Variants in GRIA3 observed in about 807,000 individuals in gnomAD.
GRIA3 encodes the protein glutamate ionotropic receptor AMPA type subunit 3.
GRIA3 carries 3 observed loss-of-function variants against 63.0 expected under a neutral mutation model. The observed-to-expected ratio is 0.05, with a 90% CI of 0.02 to 0.12. The LOEUF is 0.12. Among genes scored for constraint, GRIA3 ranks in the 10% least tolerant of loss-of-function variants. The probability of loss-of-function intolerance (pLI) is 1.00; values close to 1 mark genes in which losing one functional copy is unlikely to be tolerated. For missense variants in GRIA3, 347 were observed against 700.9 expected (o/e 0.50, Z 5.70); for synonymous variants, 274 against 257.9 (o/e 1.06, Z -0.60).
chrX:123,442,074 G>A (rs759864369), intron 12 of GRIA3, among the ~76,000 whole-genome samples: 5 of 112,133 alleles, frequency 4.5e-5, no homozygotes, highest in East Asian at 2.8e-4. Flanking sequence ...ATACGGATAC[G>A]TGGAAAGTTG....
intron 2 of GRIA3, among the ~76,000 whole-genome samples, chrX:123,215,510 A>G (rs1928137141): frequency 9.0e-6 from 1 of 111,337 alleles, no homozygotes; most frequent in African/African-American, 3.3e-5. Flanking sequence ...TAGCGTGGAG[A>G]AGACAGGAAA....
intron 12 of GRIA3, among the ~76,000 whole-genome samples, chrX:123,430,123 C>T (rs1209714185): frequency 8.9e-6 from 1 of 112,110 alleles, no homozygotes; most frequent in Non-Finnish European, 1.9e-5. Context: ...CATCATATTA[C>T]CAGAGCTGAT....
chrX:123,296,411 C>G (rs1379350602), intron 3 of GRIA3, among the ~76,000 whole-genome samples: 2 of 110,786 alleles, frequency 1.8e-5, no homozygotes, highest in African/African-American at 6.5e-5. Flanking sequence ...CTTCTTCCCC[C>G]TCCTGTTACC....
At chrX:123,477,073 C>G (rs2045890404) in intron 13 of GRIA3, among the ~76,000 whole-genome samples, 2 of 111,768 alleles carry the variant, frequency 1.8e-5, no homozygotes, top group Non-Finnish European at 3.8e-5. Context: ...TGCTAAGTCA[C>G]CGATGTACTG....
At chrX:123,483,189 T>C in intron 15 of GRIA3, 143 bp downstream of exon 15, 2 of 513,784 alleles carry the variant, frequency 3.9e-6, no homozygotes, top group Non-Finnish European at 6.4e-6. Context: ...AAAACAATGG[T>C]TGTGCTTTCT....
At chrX:123,444,813 C>T (rs1001860942) in intron 12 of GRIA3, among the ~76,000 whole-genome samples, 14 of 111,311 alleles carry the variant, frequency 1.3e-4, no homozygotes, top group African/African-American at 4.6e-4. Flanking sequence ...CTCTTCTTCC[C>T]TCCCTTTTGT....
intron 12 of GRIA3, among the ~76,000 whole-genome samples, chrX:123,440,169 A>G: frequency 1.8e-5 from 2 of 112,317 alleles, no homozygotes. Context: ...GTGTATCTGT[A>G]CCACATTTTC....
At chrX:123,462,874 T>C (rs1306590034) in intron 12 of GRIA3, among the ~76,000 whole-genome samples, 1 of 111,869 alleles carries the variant, frequency 8.9e-6, no homozygotes. Flanking sequence ...CACCTTAGAA[T>C]TTTTTTCTAG....
rs941509564 is a variant in GRIA3 at position 123,199,710 on chromosome X, A to C, written c.268+13720A>C. On this transcript the variant is annotated intron_variant, in intron 2 of 15. Transcript: ENST00000620443. ...ACTGTCAGTTTTAAGTAGGTGGCAG[A>C]GAGGAAGAATAAATCCACAGCAAGT... Among the ~76,000 whole-genome samples, 4 of 112,047 alleles carry C rather than the reference A, an allele frequency of 3.6e-5. No homozygotes were observed. In the Admixed American group the frequency reaches 3.8e-4, roughly 11 times the overall value.
intron 3 of GRIA3, among the ~76,000 whole-genome samples, chrX:123,286,095 G>A (rs2044617845): frequency 8.9e-6 from 1 of 111,962 alleles, no homozygotes; most frequent in Non-Finnish European, 1.9e-5. Context: ...AATCAAATTA[G>A]AACTCAGGAT....
At chrX:123,352,967 C>A (rs779402659) in intron 4 of GRIA3, among the ~76,000 whole-genome samples, 36 of 108,947 alleles carry the variant, frequency 3.3e-4, no homozygotes, top group African/African-American at 1.1e-3. Flanking sequence ...AAATGTGGCT[C>A]ATAATTTAAA....
rs550061588 is a variant in GRIA3 at position 123,341,413 on chromosome X, T to G, written c.697-13497T>G. ...CTTGGAAAGATACGGACAATTAGAA[T>G]GTATCAGAACACTGAAAGGAAACCC... On this transcript the variant is annotated intron_variant, in intron 4 of 15. Transcript: ENST00000620443. Among the ~76,000 whole-genome samples the G allele has an allele frequency of 8.1e-5, 9 of 111,344 alleles. No individual in the cohort carries two copies. In the South Asian group the frequency reaches 1.9e-3, roughly 24 times the overall value.
intron 3 of GRIA3, among the ~76,000 whole-genome samples, chrX:123,303,299 C>G (rs2044734986): frequency 9.0e-6 from 1 of 110,677 alleles, no homozygotes; most frequent in Non-Finnish European, 1.9e-5. Flanking sequence ...TCCTTCTAGT[C>G]AGGAACCATA....
chrX:123,441,314 T>C (rs542252696), intron 12 of GRIA3, among the ~76,000 whole-genome samples: 1 of 111,596 alleles, frequency 9.0e-6, no homozygotes, highest in East Asian at 2.8e-4. Context: ...TATATAAATT[T>C]GGGGGAGAAG....
intron 12 of GRIA3, among the ~76,000 whole-genome samples, chrX:123,431,201 C>T (rs1405025352): frequency 8.9e-6 from 1 of 112,392 alleles, no homozygotes; most frequent in African/African-American, 3.2e-5. Context: ...TAACATAAGA[C>T]AGCCTAGGGC....
intron 2 of GRIA3, among the ~76,000 whole-genome samples, chrX:123,211,005 G>C (rs1458996418): frequency 9.0e-6 from 1 of 111,546 alleles, no homozygotes; most frequent in Non-Finnish European, 1.9e-5. Flanking sequence ...TCAGCCAAGT[G>C]AAGGCATTAT....
intron 3 of GRIA3, among the ~76,000 whole-genome samples, chrX:123,261,331 A>G (rs986750492): frequency 2.7e-5 from 3 of 111,956 alleles, no homozygotes; most frequent in Non-Finnish European, 5.6e-5. Flanking sequence ...TGTCATGCAA[A>G]GCTGAAAAAA....
chrX:123,476,992 C>A (rs1165903409), intron 13 of GRIA3, among the ~76,000 whole-genome samples: 1 of 111,775 alleles, frequency 8.9e-6, no homozygotes, highest in Non-Finnish European at 1.9e-5. Flanking sequence ...GAGTGAAAAG[C>A]AGTTACTAGC....
At position 123,490,734 on chromosome X, in the gene GRIA3, T is replaced by C. The variant is rs948312690; in HGVS notation, c.*2024T>C. ...TTTGGCAGTAGTCACTTGAGGATTT[T>C]TTTTCCAATTCTTTTCTTTTTGTTG... On this transcript the variant is annotated 3_prime_UTR_variant, in exon 16 of 16. Coordinates refer to ENST00000620443, the MANE Select transcript of GRIA3 (RefSeq NM_007325.5). 1.8e-5 allele frequency: 2 copies of C among 112,477 alleles called. No individual in the cohort carries two copies. The highest frequency in any genetic ancestry group is 7.4e-4 in the South Asian group (2 of 2,704). 9.3% of individuals were successfully genotyped at this position (112,477 alleles called of 1,213,427 possible).
Sources: gnomAD v4.1 joint callset for allele counts (sites outside exome capture counted in the v4.1 genomes callset) on GRCh38, gnomAD v4.1.1 for gene constraint, MANE v1.5 for transcripts, NCBI Gene and HGNC (gene_info 2026-07-23, HGNC 2026-07-21) for gene names.